RALYL: variants seen among roughly 807,000 people sequenced by gnomAD.
The protein encoded by RALYL is RALY RNA binding protein like.
RALYL carries 29 observed loss-of-function variants against 35.1 expected under a neutral mutation model. The ratio of observed to expected loss-of-function variants is 0.83; its 90% CI spans 0.61 to 1.13. RALYL has a LOEUF of 1.13. RALYL is among the 50% of genes most tolerant of loss of function. RALYL has a pLI of 0.00. For synonymous variants in RALYL, 120 were observed against 127.6 expected (o/e 0.94, Z 0.40); for missense variants, 359 against 360.4 (o/e 1.00, Z 0.03).
chr8:84,209,141 A>AG (rs969699679), intron 1 of RALYL, among the ~76,000 whole-genome samples: 6 of 150,572 alleles, frequency 4.0e-5, no homozygotes, highest in African/African-American at 1.5e-4. Context: ...AAAAAAAAAA[A>AG]AAAGAAAAGA....
intron 1 of RALYL, among the ~76,000 whole-genome samples, chr8:84,468,036 T>C (rs2051996445): frequency 6.8e-6 from 1 of 147,132 alleles, no homozygotes. Flanking sequence ...CCTATGTGTG[T>C]CTCTGCATGT....
At chr8:84,316,742 T>C (rs1843832224) in intron 1 of RALYL, among the ~76,000 whole-genome samples, 2 of 152,158 alleles carry the variant, frequency 1.3e-5, no homozygotes, top group African/African-American at 4.8e-5. Flanking sequence ...TTTACATCCA[T>C]GATTTTTATC....
At position 84,367,329 on chromosome 8, in the gene RALYL, T is replaced by A. The variant is rs1563800040; in HGVS notation, c.-23-161970T>A. ...CAACTAATTTTTGTATTTTTTTTTT[T>A]TTTTTTTTTTTTTTTTTTTTTTTTT... On this transcript the variant is annotated intron_variant, in intron 1 of 8. Transcript: ENST00000521268. Among the ~76,000 whole-genome samples, 21 of 25,076 alleles carry A rather than the reference T, an allele frequency of 8.4e-4. 1 individual carries two copies. The highest frequency in any genetic ancestry group is 5.1e-3 in the African/African-American group (12 of 2,350). 16.5% of individuals were successfully genotyped at this position (25,076 alleles called of 152,430 possible).
intron 4 of RALYL, among the ~76,000 whole-genome samples, chr8:84,839,713 C>A (rs1001381625): frequency 6.6e-6 from 1 of 152,240 alleles, no homozygotes; most frequent in African/African-American, 2.4e-5. Flanking sequence ...CTGGGAGGCA[C>A]TCCCCAGTAG....
rs200486763 is a variant in RALYL at position 84,235,761 on chromosome 8, C to CTTTTTTTTTTTTT, written c.-24+51342_-24+51343insTTTTTTTTTTTTT. 6.2e-4 allele frequency among the ~76,000 whole-genome samples: 86 copies of CTTTTTTTTTTTTT among 138,154 alleles called. 1 individual carries two copies. The highest frequency in any genetic ancestry group is 1.0e-3 in the African/African-American group (37 of 36,050). 90.6% of individuals were successfully genotyped at this position (138,154 alleles called of 152,430 possible). ...ATCCAATGCATTTCTTTTTCTTTTT[C>CTTTTTTTTTTTTT]TTTTTCTTTTTTTTTTTTTTTTTTG... is the stretch of plus-strand genomic sequence containing the variant. On this transcript the variant is annotated intron_variant, in intron 1 of 8. Coordinates refer to ENST00000521268, the MANE Select transcript of RALYL (RefSeq NM_173848.7).
intron 1 of RALYL, among the ~76,000 whole-genome samples, chr8:84,513,656 G>GT (rs913339032): frequency 6.6e-6 from 1 of 151,922 alleles, no homozygotes; most frequent in Non-Finnish European, 1.5e-5. Flanking sequence ...TAAACGTTTA[G>GT]TTTTTTTAAT....
chr8:84,693,649 C>T (rs1487179572), intron 2 of RALYL, among the ~76,000 whole-genome samples: 1 of 151,804 alleles, frequency 6.6e-6, no homozygotes, highest in African/African-American at 2.4e-5. Flanking sequence ...CAAAGCCTGA[C>T]AAAGGCACTA....
At chr8:84,508,268 T>C (rs1587859454) in intron 1 of RALYL, among the ~76,000 whole-genome samples, 1 of 152,132 alleles carries the variant, frequency 6.6e-6, no homozygotes, top group South Asian at 2.1e-4. Context: ...CTTGAGACTA[T>C]CCTTAGCAAA....
intron 3 of RALYL, among the ~76,000 whole-genome samples, chr8:84,799,913 G>A (rs1215235572): frequency 2.0e-5 from 3 of 152,148 alleles, no homozygotes; most frequent in African/African-American, 7.2e-5. Flanking sequence ...CCGAGATCAC[G>A]CCACTGCACT....
At chr8:84,495,734 G>A (rs537824233) in intron 1 of RALYL, among the ~76,000 whole-genome samples, 1 of 152,078 alleles carries the variant, frequency 6.6e-6, no homozygotes, top group South Asian at 2.1e-4. Flanking sequence ...ACAGTCTTAA[G>A]CAGTTTAATA....
intron 1 of RALYL, among the ~76,000 whole-genome samples, chr8:84,191,195 TGTG>T (rs1813788407): frequency 6.6e-6 from 1 of 151,330 alleles, no homozygotes; most frequent in Admixed American, 6.6e-5. Flanking sequence ...TGTGTGTGTG[TGTG>T]TGTGTGTGTG....
intron 2 of RALYL, among the ~76,000 whole-genome samples, chr8:84,710,408 TCTC>T (rs1841978750): frequency 1.3e-5 from 2 of 152,022 alleles, no homozygotes. Flanking sequence ...TTCAAGCGAT[TCTC>T]CTTCCACAGC....
chr8:84,371,825 G>A (rs949391729), intron 1 of RALYL, among the ~76,000 whole-genome samples: 17 of 152,062 alleles, frequency 1.1e-4, no homozygotes, highest in African/African-American at 3.9e-4. Flanking sequence ...AAATGCCAGT[G>A]TAGCTTTTAT....
chr8:84,799,848 C>T (rs1312427211), intron 3 of RALYL, among the ~76,000 whole-genome samples: 9 of 151,980 alleles, frequency 5.9e-5, no homozygotes, highest in African/African-American at 1.2e-4. Context: ...CCCAGCTACT[C>T]GGGAGGCTGA....
chr8:84,607,172 C>T (rs1817324986), intron 2 of RALYL, among the ~76,000 whole-genome samples: 1 of 149,628 alleles, frequency 6.7e-6, no homozygotes, highest in African/African-American at 2.5e-5. Context: ...CTTCTCTTTT[C>T]CCCCCCCTTT....
intron 1 of RALYL, among the ~76,000 whole-genome samples, chr8:84,194,497 G>A (rs1402533161): frequency 6.6e-6 from 1 of 152,108 alleles, no homozygotes; most frequent in Non-Finnish European, 1.5e-5. Flanking sequence ...AGTGGATACA[G>A]CAATGCAACC....
intron 1 of RALYL, among the ~76,000 whole-genome samples, chr8:84,416,014 C>T (rs2044663569): frequency 1.3e-5 from 2 of 152,154 alleles, no homozygotes; most frequent in Admixed American, 1.3e-4. Flanking sequence ...CATTTAAAGA[C>T]AAGGTACAAA....
chr8:84,278,230 G>A (rs961806301), intron 1 of RALYL, among the ~76,000 whole-genome samples: 2 of 152,228 alleles, frequency 1.3e-5, no homozygotes, highest in Non-Finnish European at 2.9e-5. Flanking sequence ...AGGGCTTGGG[G>A]CTTGCACCCT....
At chr8:84,585,121 T>C (rs1811700624) in intron 2 of RALYL, among the ~76,000 whole-genome samples, 1 of 152,208 alleles carries the variant, frequency 6.6e-6, no homozygotes, top group African/African-American at 2.4e-5. Context: ...GTGGTTGTTA[T>C]GGGTATTTTT....
Sources: gnomAD v4.1 joint callset for allele counts (sites outside exome capture counted in the v4.1 genomes callset) on GRCh38, gnomAD v4.1.1 for gene constraint, MANE v1.5 for transcripts, NCBI Gene and HGNC (gene_info 2026-07-23, HGNC 2026-07-21) for gene names.